CUL4A: variants seen among roughly 807,000 people sequenced by gnomAD.
CUL4A encodes the protein cullin 4A.
Under a neutral mutation model 95.5 loss-of-function variants are expected in CUL4A, and 16 were observed. The ratio of observed to expected loss-of-function variants is 0.17; its 90% CI spans 0.11 to 0.25. CUL4A has a LOEUF of 0.25. Ranked by LOEUF, CUL4A falls within the 10% of genes least tolerant of loss-of-function variation. The probability of loss-of-function intolerance (pLI) is 1.00; values close to 1 mark genes in which losing one functional copy is unlikely to be tolerated. For missense variants in CUL4A, 610 were observed against 937.0 expected (o/e 0.65, Z 4.56); for synonymous variants, 380 against 353.1 (o/e 1.08, Z -0.85).
upstream of CUL4A, chr13:113,208,347 T>A: frequency 2.8e-6 from 4 of 1,433,132 alleles, no homozygotes; most frequent in Non-Finnish European, 3.6e-6. Context: ...CCGCGTCTAC[T>A]TACACCGCGA....
chr13:113,258,598 C>G (rs2042192927), intron 18 of CUL4A, among the ~76,000 whole-genome samples: 1 of 152,044 alleles, frequency 6.6e-6, no homozygotes, highest in Non-Finnish European at 1.5e-5. Flanking sequence ...CTGTGGTGGC[C>G]CAGGTCCTCT....
At chr13:113,235,182 A>C in intron 8 of CUL4A, 37 bp downstream of exon 8, 1 of 1,437,918 alleles carries the variant, frequency 7.0e-7, no homozygotes, top group Non-Finnish European at 9.8e-7. Context: ...TCGTATCTTC[A>C]CCATGGCTGG....
chr13:113,224,208 C>T (rs967209650), intron 3 of CUL4A, among the ~76,000 whole-genome samples: 18 of 152,136 alleles, frequency 1.2e-4, no homozygotes, highest in African/African-American at 3.9e-4. Context: ...AAAAAATTAG[C>T]CGGGCGTGGT....
At chr13:113,244,267 C>T (rs1362783074) in intron 11 of CUL4A, 143 bp from the exon 12 acceptor site, 40 of 638,208 alleles carry the variant, frequency 6.3e-5, no homozygotes, top group Non-Finnish European at 1.0e-4. Context: ...GAAGTACTTA[C>T]CTTAGAAAAT....
intron 3 of CUL4A, among the ~76,000 whole-genome samples, chr13:113,227,628 G>T (rs557607821): frequency 6.6e-6 from 1 of 152,196 alleles, no homozygotes; most frequent in African/African-American, 2.4e-5. Context: ...AATAATGGCC[G>T]GTTGCGGTGG....
intron 3 of CUL4A, among the ~76,000 whole-genome samples, chr13:113,227,082 C>A (rs1309820580): frequency 6.6e-6 from 1 of 152,084 alleles, no homozygotes; most frequent in South Asian, 2.1e-4. Flanking sequence ...GAGGGAGTGG[C>A]GAGCGGCCAG....
chr13:113,245,578 G>A (rs1179253433), intron 14 of CUL4A, among the ~76,000 whole-genome samples: 3 of 152,148 alleles, frequency 2.0e-5, no homozygotes, highest in Non-Finnish European at 4.4e-5. Flanking sequence ...ATAATACATA[G>A]ACAGAGATAG....
chr13:113,215,888 C>T lies in CUL4A; in HGVS notation c.265-3057C>T, dbSNP rs1262711174. Reference sequence around the variant, plus strand: ...CTCGTCCGTGTGGCTGTGGAGGTCGCGTGTGTGACTATGGAGGTCTCGTCC... The same window carrying T: ...CTCGTCCGTGTGGCTGTGGAGGTCGTGTGTGTGACTATGGAGGTCTCGTCC... On this transcript the variant is annotated intron_variant, in intron 2 of 19. Transcript: ENST00000375440. 4.3e-5 allele frequency among the ~76,000 whole-genome samples: 5 copies of T among 115,896 alleles called. No homozygotes were observed. The Admixed American group carries it at 4.6e-4, about 11-fold the overall frequency. 76.0% of individuals were successfully genotyped at this position (115,896 alleles called of 152,430 possible).
At chr13:113,218,827 C>T in intron 2 of CUL4A, 118 bp from the exon 3 acceptor site, 1 of 616,982 alleles carries the variant, frequency 1.6e-6, no homozygotes, top group Middle Eastern at 2.6e-4. Context: ...TCCTGAAGTA[C>T]TGGGGTAGGG....
At chr13:113,224,363 AAAT>A in intron 3 of CUL4A, among the ~76,000 whole-genome samples, 1 of 152,276 alleles carries the variant, frequency 6.6e-6, no homozygotes, top group South Asian at 2.1e-4. Flanking sequence ...AAAAAAAAAA[AAAT>A]GTCAAGCCAA....
rs144097059 is a variant in CUL4A at position 113,210,036 on chromosome 13, G to A, written c.212G>A (p.Arg71Gln). The change falls in exon 2 of 20, where the codon CGG (arginine) becomes CAG (glutamine). Residue 71 changes from arginine (R) to glutamine (Q), a missense_variant. Arg to Gln is a conservative substitution (Grantham distance 43, BLOSUM62 1). Around this residue, in one of 10 missense-constraint regions of CUL4A, gnomAD observed 168 missense variants for 185.5 expected, o/e 0.91. Coordinates refer to ENST00000375440, the MANE Select transcript of CUL4A (RefSeq NM_001008895.4). ...TGGCGGAAGCTGCACGAGGCGGTGC[G>A]GGCCGTGCAGAGCAGCACCTCCATC... ...DTWRKLHEAV[R>Q]AVQSSTSIRY... 1.2e-4 allele frequency: 190 copies of A among 1,526,158 alleles called. 3 individuals carry two copies. In the East Asian group the frequency reaches 5.0e-3, roughly 40 times the overall value. The allele number at this position is 1,526,158 out of a possible 1,614,324, so 94.5% of individuals were successfully genotyped here. A position where few individuals can be genotyped will look rare whatever the true frequency, so the allele number is the denominator to read the frequency against.
upstream of CUL4A, chr13:113,208,811 C>G (rs1720271353): frequency 7.1e-7 from 1 of 1,409,790 alleles, no homozygotes; most frequent in Admixed American, 3.1e-5. Flanking sequence ...GCTGAGGGGG[C>G]CCGGGGTCTT....
upstream of CUL4A, chr13:113,208,643 C>A (rs773899060): frequency 1.9e-6 from 3 of 1,605,810 alleles, no homozygotes; most frequent in Middle Eastern, 3.4e-4. Context: ...ATGGGAGCGC[C>A]GCCGAACGGA....
At chr13:113,249,518 G>A (rs111603131) in intron 15 of CUL4A, among the ~76,000 whole-genome samples, 23 of 152,322 alleles carry the variant, frequency 1.5e-4, no homozygotes, top group African/African-American at 5.5e-4. Context: ...TGGGCATTTG[G>A]GTTATTTCCA....
rs1185670798 is a variant in CUL4A, at chr13:113,264,047, G to T, written c.*465G>T. The T allele has an allele frequency of 6.5e-6, 1 of 152,820 alleles. No individual in the cohort carries two copies. Among genetic ancestry groups the T allele is most frequent in the Admixed American group, 6.5e-5 (1 of 15,278 alleles). The allele number at this position is 152,820 out of a possible 1,614,324, so 9.5% of individuals were successfully genotyped here. On this transcript the variant is annotated 3_prime_UTR_variant, in exon 20 of 20. Coordinates refer to ENST00000375440, the MANE Select transcript of CUL4A (RefSeq NM_001008895.4). ...ATCAGCATTTAGAGTGAAAACAAGG[G>T]CCCTTCATGGGTGAACATTAGAAAG...
chr13:113,260,080 C>T (rs1311842663), intron 18 of CUL4A, among the ~76,000 whole-genome samples: 2 of 149,544 alleles, frequency 1.3e-5, no homozygotes, highest in Non-Finnish European at 3.0e-5. Flanking sequence ...GGGGGGGCAC[C>T]GTAGTCCCAG....
At chr13:113,244,559 A>C (rs368145944) in intron 12 of CUL4A, 45 bp downstream of exon 12, 44 of 1,379,550 alleles carry the variant, frequency 3.2e-5, no homozygotes, top group African/African-American at 4.3e-5. Flanking sequence ...CAAGAGGTGT[A>C]AACAGGCCCT....
At chr13:113,246,151 G>C in intron 15 of CUL4A, 88 bp downstream of exon 15, 1 of 987,774 alleles carries the variant, frequency 1.0e-6, no homozygotes, top group Non-Finnish European at 1.5e-6. Context: ...GTTGAATGGG[G>C]AGTTTTTAAA....
At chr13:113,212,906 A>C (rs1029635482) in intron 2 of CUL4A, among the ~76,000 whole-genome samples, 12 of 152,142 alleles carry the variant, frequency 7.9e-5, no homozygotes, top group African/African-American at 2.9e-4. Flanking sequence ...GAGTAGGAGG[A>C]GTGAGTTGTG....
Sources: gnomAD v4.1 joint callset for allele counts (sites outside exome capture counted in the v4.1 genomes callset) on GRCh38, gnomAD v4.1.1 for gene constraint, gnomAD v4.1.1 regional missense constraint, MANE v1.5 for transcripts, NCBI Gene and HGNC (gene_info 2026-07-23, HGNC 2026-07-21) for gene names.